Variants in HS6ST3 observed in about 807,000 individuals in gnomAD.
The protein encoded by HS6ST3 is heparan-sulfate 6-O-sulfotransferase 3.
A neutral mutation model predicts 36.7 loss-of-function variants in HS6ST3; 12 were observed. The ratio of observed to expected loss-of-function variants is 0.33; its 90% CI spans 0.21 to 0.53. The LOEUF is 0.53. HS6ST3 is among the 20% of genes least tolerant of loss of function. HS6ST3 has a pLI of 0.95. For missense variants in HS6ST3, 584 were observed against 640.9 expected (o/e 0.91, Z 0.96); for synonymous variants, 240 against 257.5 (o/e 0.93, Z 0.65).
At chr13:96,223,437 C>T (rs868447232) in intron 1 of HS6ST3, among the ~76,000 whole-genome samples, 9 of 152,196 alleles carry the variant, frequency 5.9e-5, no homozygotes, top group South Asian at 4.1e-4. Context: ...GTGGCTTGAA[C>T]GCCTCACTGA....
intron 1 of HS6ST3, among the ~76,000 whole-genome samples, chr13:96,534,712 G>A (rs1225199867): frequency 6.6e-6 from 1 of 151,954 alleles, no homozygotes. Context: ...TAATCCCAGT[G>A]CTTTGGGAGG....
intron 1 of HS6ST3, among the ~76,000 whole-genome samples, chr13:96,146,935 C>T (rs1215458111): frequency 6.6e-6 from 1 of 152,092 alleles, no homozygotes; most frequent in Admixed American, 6.5e-5. Flanking sequence ...AATTCAGCTG[C>T]AAAAGAAGGT....
intron 1 of HS6ST3, among the ~76,000 whole-genome samples, chr13:96,276,041 C>G (rs1480829749): frequency 2.6e-5 from 4 of 152,058 alleles, no homozygotes; most frequent in Non-Finnish European, 5.9e-5. Flanking sequence ...CTTGCCTCTC[C>G]CATATGCCTT....
At chr13:96,400,946 A>C (rs939639999) in intron 1 of HS6ST3, among the ~76,000 whole-genome samples, 1 of 152,186 alleles carries the variant, frequency 6.6e-6, no homozygotes, top group Non-Finnish European at 1.5e-5. Flanking sequence ...TGGACAGTAT[A>C]AACAGCTACA....
chr13:96,488,209 T>C (rs1005953829), intron 1 of HS6ST3, among the ~76,000 whole-genome samples: 2 of 152,106 alleles, frequency 1.3e-5, no homozygotes, highest in Non-Finnish European at 2.9e-5. Flanking sequence ...CTCTCCTGTA[T>C]AACAGGTAAG....
chr13:96,489,369 T>C (rs1030804737), intron 1 of HS6ST3, among the ~76,000 whole-genome samples: 2 of 98,906 alleles, frequency 2.0e-5, no homozygotes, highest in Non-Finnish European at 4.6e-5. Context: ...TTTTTCTGTA[T>C]ATACAAACAC....
Position 96,833,255 on chromosome 13 carries a change from G to A in HS6ST3, c.*57G>A, listed in dbSNP as rs953036348. On this transcript the variant is annotated 3_prime_UTR_variant, in exon 2 of 2. Transcript: ENST00000376705. ...GGGTGAGCAGGCACATTGACTTTCT[G>A]TTGAGGTACCTTGGAGAAGCTGAGC... 4 of 1,366,534 alleles carry A rather than the reference G, an allele frequency of 2.9e-6. No homozygotes were observed. The highest frequency in any genetic ancestry group is 3.9e-6 in the Non-Finnish European group (4 of 1,030,598). 84.7% of individuals were successfully genotyped at this position (1,366,534 alleles called of 1,614,324 possible). A position where few individuals can be genotyped will look rare whatever the true frequency, so the allele number is the denominator to read the frequency against.
At chr13:96,786,359 T>C (rs966319490) in intron 1 of HS6ST3, among the ~76,000 whole-genome samples, 2 of 152,192 alleles carry the variant, frequency 1.3e-5, no homozygotes, top group Non-Finnish European at 2.9e-5. Context: ...TTACATTTAT[T>C]TATCTACTCT....
chr13:96,782,211 A>G (rs1385831555), intron 1 of HS6ST3, among the ~76,000 whole-genome samples: 1 of 152,140 alleles, frequency 6.6e-6, no homozygotes, highest in Non-Finnish European at 1.5e-5. Context: ...CTCTGTTTAT[A>G]TACGTTAATC....
intron 1 of HS6ST3, among the ~76,000 whole-genome samples, chr13:96,359,362 G>A (rs1566336975): frequency 6.6e-6 from 1 of 152,128 alleles, no homozygotes; most frequent in Non-Finnish European, 1.5e-5. Flanking sequence ...CATAAAAGAT[G>A]TTTGCTTTTA....
intron 1 of HS6ST3, among the ~76,000 whole-genome samples, chr13:96,646,591 A>T (rs2056589237): frequency 6.6e-6 from 1 of 152,052 alleles, no homozygotes; most frequent in South Asian, 2.1e-4. Context: ...TAATTCAATT[A>T]GGTGAATCTG....
chr13:96,782,163 C>G (rs1454821085), intron 1 of HS6ST3, among the ~76,000 whole-genome samples: 1 of 152,146 alleles, frequency 6.6e-6, no homozygotes, highest in African/African-American at 2.4e-5. Flanking sequence ...AGAACACAAT[C>G]AATTTACCAA....
chr13:96,599,630 G>A (rs1435746572), intron 1 of HS6ST3, among the ~76,000 whole-genome samples: 3 of 148,522 alleles, frequency 2.0e-5, no homozygotes, highest in South Asian at 4.3e-4. Context: ...TTTCAATTTT[G>A]TTTACTGCTG....
rs561961897 is a variant in HS6ST3 at position 96,136,405 on chromosome 13, G to A, written c.707+44836G>A. 6.6e-5 allele frequency among the ~76,000 whole-genome samples: 10 copies of A among 152,206 alleles called. No homozygotes were observed. In the East Asian group the frequency reaches 1.9e-3, roughly 30 times the overall value. On this transcript the variant is annotated intron_variant, in intron 1 of 1. Transcript: ENST00000376705. ...TTACGCGTGGTGCAAGGCAGAGCAG[G>A]AACAGGCGTCTTACATGGTAGGACC...
intron 1 of HS6ST3, among the ~76,000 whole-genome samples, chr13:96,545,133 C>T (rs1410078839): frequency 1.3e-5 from 2 of 152,100 alleles, no homozygotes; most frequent in Non-Finnish European, 2.9e-5. Context: ...CCTGTGTCAG[C>T]CATGAGGAAG....
intron 1 of HS6ST3, among the ~76,000 whole-genome samples, chr13:96,570,583 C>T (rs939044250): frequency 6.6e-6 from 1 of 152,218 alleles, no homozygotes; most frequent in Non-Finnish European, 1.5e-5. Context: ...CTATGCACCC[C>T]TTGCCTCCTG....
intron 1 of HS6ST3, among the ~76,000 whole-genome samples, chr13:96,543,271 T>C (rs1191123639): frequency 3.9e-5 from 6 of 152,186 alleles, no homozygotes; most frequent in Non-Finnish European, 7.3e-5. Context: ...CCAGGTCTGA[T>C]TGGGTCAAGG....
At chr13:96,514,339 GA>G (rs2056063295) in intron 1 of HS6ST3, among the ~76,000 whole-genome samples, 2 of 152,182 alleles carry the variant, frequency 1.3e-5, no homozygotes, top group Admixed American at 1.3e-4. Flanking sequence ...AGTTTGAAAG[GA>G]GTTCAATTTC....
chr13:96,583,074 T>C (rs2056347505), intron 1 of HS6ST3, among the ~76,000 whole-genome samples: 2 of 152,044 alleles, frequency 1.3e-5, no homozygotes, highest in Admixed American at 1.3e-4. Context: ...TCTTCTTACT[T>C]GCCCCTTTGT....
Sources: gnomAD v4.1 joint callset for allele counts (sites outside exome capture counted in the v4.1 genomes callset) on GRCh38, gnomAD v4.1.1 for gene constraint, MANE v1.5 for transcripts, NCBI Gene and HGNC (gene_info 2026-07-23, HGNC 2026-07-21) for gene names.